The following NLGN1 variants were observed in gnomAD, a reference collection of about 807,000 sequenced individuals.
The protein encoded by NLGN1 is neuroligin 1.
NLGN1 carries 12 observed loss-of-function variants against 65.5 expected under a neutral mutation model. That is an observed-to-expected ratio of 0.18 (90% CI 0.12 to 0.30). NLGN1 has a LOEUF of 0.30. Ranked by LOEUF, NLGN1 falls within the 10% of genes least tolerant of loss-of-function variation. The probability of loss-of-function intolerance (pLI) is 1.00; values close to 1 mark genes in which losing one functional copy is unlikely to be tolerated. For synonymous variants in NLGN1, 350 were observed against 359.5 expected (o/e 0.97, Z 0.30); for missense variants, 750 against 1,007.1 (o/e 0.74, Z 3.46).
chr3:173,527,555 G>A (rs1000155392), intron 2 of NLGN1, among the ~76,000 whole-genome samples: 7 of 151,964 alleles, frequency 4.6e-5, no homozygotes, highest in Admixed American at 1.3e-4. Flanking sequence ...CCGCCACCAC[G>A]CCCGGCTAAT....
At chr3:173,907,792 C>G (rs1158739260) in intron 4 of NLGN1, among the ~76,000 whole-genome samples, 1 of 151,856 alleles carries the variant, frequency 6.6e-6, no homozygotes, top group African/African-American at 2.4e-5. Flanking sequence ...ACCATGTTGG[C>G]CAGGCTGGTC....
intron 4 of NLGN1, among the ~76,000 whole-genome samples, chr3:173,996,636 T>C (rs1393140995): frequency 6.6e-6 from 1 of 152,090 alleles, no homozygotes; most frequent in East Asian, 1.9e-4. Flanking sequence ...ACACCAACAC[T>C]CTCCACAACA....
intron 2 of NLGN1, among the ~76,000 whole-genome samples, chr3:173,437,392 T>G (rs941460539): frequency 1.3e-5 from 2 of 152,184 alleles, no homozygotes; most frequent in African/African-American, 4.8e-5. Flanking sequence ...TAAGATTGAA[T>G]GAAGGAAGAT....
At chr3:173,807,011 T>G (rs1046920139) in intron 3 of NLGN1, among the ~76,000 whole-genome samples, 2 of 152,156 alleles carry the variant, frequency 1.3e-5, no homozygotes, top group African/African-American at 2.4e-5. Context: ...CTGGATATAG[T>G]GGATGTCCTG....
At position 173,773,735 on chromosome 3, in the gene NLGN1, C is replaced by T. The variant is rs557833308; in HGVS notation, c.494-33945C>T. Among the ~76,000 whole-genome samples the T allele has an allele frequency of 8.5e-5, 13 of 152,092 alleles. No individual in the cohort carries two copies. In the South Asian group the frequency reaches 2.5e-3, roughly 29 times the overall value. The stretch of plus-strand genomic sequence containing the variant: ...AGTAGTGGGAGGAGGTGGGTAGGTT[C>T]ATAAATTTAAAAATCACACATATAA... On this transcript the variant is annotated intron_variant, in intron 3 of 6. Coordinates refer to ENST00000457714, the Ensembl canonical transcript of NLGN1.
intron 3 of NLGN1, among the ~76,000 whole-genome samples, chr3:173,639,498 G>T (rs1757081476): frequency 6.6e-6 from 1 of 152,202 alleles, no homozygotes; most frequent in African/African-American, 2.4e-5. Context: ...CAGTCATAGG[G>T]AATAGCACTG....
intron 4 of NLGN1, among the ~76,000 whole-genome samples, chr3:174,035,188 T>A (rs1388746452): frequency 2.6e-5 from 4 of 152,186 alleles, no homozygotes; most frequent in African/African-American, 4.8e-5. Flanking sequence ...GTTTAAAGAT[T>A]TAAAAATTAA....
At chr3:173,697,829 C>T (rs915003581) in intron 3 of NLGN1, among the ~76,000 whole-genome samples, 4 of 152,112 alleles carry the variant, frequency 2.6e-5, no homozygotes, top group Non-Finnish European at 2.9e-5. Flanking sequence ...TGCATCTGGC[C>T]GAGAGAAAGA....
chr3:174,200,945 A>G (rs909162651), intron 4 of NLGN1, among the ~76,000 whole-genome samples: 28 of 152,142 alleles, frequency 1.8e-4, no homozygotes, highest in Non-Finnish European at 1.6e-4. Context: ...GGGGGTAGAA[A>G]TTGAGCCCTG....
At chr3:173,877,812 A>T (rs1046379052) in intron 4 of NLGN1, among the ~76,000 whole-genome samples, 1 of 152,226 alleles carries the variant, frequency 6.6e-6, no homozygotes, top group Non-Finnish European at 1.5e-5. Context: ...TGCTTTACAT[A>T]TATTGACTTA....
chr3:173,677,793 G>A (rs1457874971), intron 3 of NLGN1, among the ~76,000 whole-genome samples: 1 of 151,998 alleles, frequency 6.6e-6, no homozygotes, highest in Non-Finnish European at 1.5e-5. Context: ...AATCCTTCCT[G>A]AATTCTGTAT....
intron 1 of NLGN1, among the ~76,000 whole-genome samples, chr3:173,412,816 G>T (rs1185662560): frequency 6.6e-6 from 1 of 152,172 alleles, no homozygotes; most frequent in Non-Finnish European, 1.5e-5. Flanking sequence ...CACAAGAAGG[G>T]ATTCTATGAA....
intron 2 of NLGN1, among the ~76,000 whole-genome samples, chr3:173,535,924 C>G (rs1737360149): frequency 6.6e-6 from 1 of 152,208 alleles, no homozygotes; most frequent in East Asian, 1.9e-4. Context: ...AGTCAGGTCT[C>G]ACTGTCTGAG....
chr3:173,788,058 A>C (rs532296866), intron 3 of NLGN1, among the ~76,000 whole-genome samples: 1 of 152,160 alleles, frequency 6.6e-6, no homozygotes, highest in African/African-American at 2.4e-5. Context: ...TAACTGGATA[A>C]AATTTTAGAA....
intron 4 of NLGN1, among the ~76,000 whole-genome samples, chr3:173,935,896 A>G (rs1447645277): frequency 3.3e-5 from 5 of 151,976 alleles, no homozygotes; most frequent in African/African-American, 4.8e-5. Flanking sequence ...GCTAATACAG[A>G]TTTTGAGACA....
chr3:173,405,860 A>G (rs764721066), intron 1 of NLGN1, among the ~76,000 whole-genome samples: 1 of 152,076 alleles, frequency 6.6e-6, no homozygotes, highest in Non-Finnish European at 1.5e-5. Context: ...GTTTAGGCTA[A>G]TTAAAATTAA....
At chr3:174,108,760 T>C (rs1714540431) in intron 4 of NLGN1, among the ~76,000 whole-genome samples, 1 of 152,092 alleles carries the variant, frequency 6.6e-6, no homozygotes, top group Non-Finnish European at 1.5e-5. Context: ...GCAGGCCTAA[T>C]TGAGAAGATG....
intron 4 of NLGN1, among the ~76,000 whole-genome samples, chr3:174,015,430 A>C (rs1006373501): frequency 1.3e-5 from 2 of 152,236 alleles, no homozygotes; most frequent in Admixed American, 6.5e-5. Flanking sequence ...AGAGTTAGAT[A>C]GAGAAATCAA....
At chr3:173,994,235 G>A (rs1168617465) in intron 4 of NLGN1, among the ~76,000 whole-genome samples, 1 of 151,944 alleles carries the variant, frequency 6.6e-6, no homozygotes, top group Non-Finnish European at 1.5e-5. Context: ...TGCCTCCTGA[G>A]CAGCTGAGAC....
Sources: allele counts gnomAD v4.1 joint callset (sites outside exome capture counted in the v4.1 genomes callset), GRCh38; gene constraint gnomAD v4.1.1; transcripts MANE v1.5; gene names NCBI Gene and HGNC (gene_info 2026-07-23, HGNC 2026-07-21).